CDK18: variants seen among roughly 807,000 people sequenced by gnomAD.
CDK18 encodes cyclin dependent kinase 18.
CDK18 carries 52 observed loss-of-function variants against 62.0 expected under a neutral mutation model. That is an observed-to-expected ratio of 0.84 (90% CI 0.67 to 1.06). The LOEUF (loss-of-function observed/expected upper bound fraction) is 1.06. Ranked by LOEUF, CDK18 falls within the 50% of genes least tolerant of loss-of-function variation. CDK18 has a pLI of 0.00. For missense variants in CDK18, 604 were observed against 619.9 expected, an observed-to-expected ratio of 0.97 and a Z score of 0.27; for synonymous variants, 237 against 247.0, an observed-to-expected ratio of 0.96 and a Z score of 0.38.
intron 13 of CDK18, chr1:205,529,945 C>G (rs750161572): frequency 1.3e-5 from 18 of 1,381,398 alleles, no homozygotes; most frequent in Non-Finnish European, 1.6e-5. Flanking sequence ...GTTATCGGCA[C>G]TACGCTTCCT....
intron 8 of CDK18, 155 bp downstream of exon 8, chr1:205,526,992 C>T: frequency 3.1e-6 from 2 of 651,160 alleles, no homozygotes; most frequent in South Asian, 1.8e-5. Context: ...TCAACGAGTC[C>T]AGGAACTGGG....
chr1:205,515,960 C>A (rs1267481702), intron 1 of CDK18, among the ~76,000 whole-genome samples: 1 of 152,218 alleles, frequency 6.6e-6, no homozygotes, highest in African/African-American at 2.4e-5. Context: ...ATCCTCATTT[C>A]TGGCCACTCT....
intron 14 of CDK18, 99 bp downstream of exon 14, chr1:205,530,448 G>C (rs1668681006): frequency 7.3e-7 from 1 of 1,369,346 alleles, no homozygotes; most frequent in East Asian, 2.3e-5. Flanking sequence ...AGAGGCCCCA[G>C]CCCCAGCAGA....
rs1484889591 is a variant in CDK18, at chr1:205,529,449, C to T, written c.1178+20C>T. On this transcript the variant is annotated intron_variant, in intron 12 of 15. Transcript: ENST00000429964. ...GCCCAGGTAGCCCCTGCGCCCGCCG[C>T]CCCTCCTGCTGCGGCCCTGGCTCTC... The T allele has an allele frequency of 1.2e-6, 2 of 1,611,840 alleles. No individual in the cohort carries two copies. Among genetic ancestry groups the T allele is most frequent in the South Asian group, 1.1e-5 (1 of 90,792 alleles).
intron 1 of CDK18, among the ~76,000 whole-genome samples, chr1:205,505,398 G>A (rs565330165): frequency 5.3e-5 from 8 of 152,252 alleles, no homozygotes; most frequent in African/African-American, 1.7e-4. Context: ...AGTTCTGGGG[G>A]AGGCAGGGGT....
chr1:205,526,815 T>C lies in CDK18; in HGVS notation c.707T>C (p.Leu236Pro). The C allele has an allele frequency of 6.2e-7, 1 of 1,614,034 alleles. No homozygotes were observed. Among genetic ancestry groups the C allele is most frequent in the Non-Finnish European group, 8.5e-7 (1 of 1,179,922 alleles). ...LKQYLDHCGN[L>P]MSMHNVKIFM... Reference sequence around the variant, plus strand: ...CAGTATCTGGACCACTGTGGGAACCTCATGAGCATGCACAACGTCAAGGTG... The same window carrying C: ...CAGTATCTGGACCACTGTGGGAACCCCATGAGCATGCACAACGTCAAGGTG... Residue 236 changes from leucine (L) to proline (P), a missense_variant, in exon 8 of 16, where the codon CTC (leucine) becomes CCC (proline). Transcript: ENST00000429964.
intron 1 of CDK18, among the ~76,000 whole-genome samples, chr1:205,507,468 GAAA>G (rs34442874): frequency 7.5e-6 from 1 of 134,180 alleles, no homozygotes; most frequent in Middle Eastern, 3.4e-3. Context: ...CATCTCTACT[GAAA>G]AAAAAAAAAA....
intron 1 of CDK18, among the ~76,000 whole-genome samples, chr1:205,519,042 T>A (rs1320194514): frequency 6.6e-6 from 1 of 152,180 alleles, no homozygotes; most frequent in Non-Finnish European, 1.5e-5. Context: ...CCTCTTCCCC[T>A]GGCACCAATT....
At chr1:205,523,859 C>G (rs1668276993) in intron 3 of CDK18, 1 of 635,342 alleles carries the variant, frequency 1.6e-6, no homozygotes, top group African/African-American at 1.8e-5. Context: ...TTAGAACATT[C>G]CTGAATTTAG....
intron 1 of CDK18, among the ~76,000 whole-genome samples, chr1:205,505,113 A>C (rs1406460046): frequency 6.6e-6 from 1 of 152,090 alleles, no homozygotes. Flanking sequence ...GGGAGTCTCC[A>C]TCTGGGATCA....
intron 1 of CDK18, among the ~76,000 whole-genome samples, chr1:205,505,055 G>A (rs1356034578): frequency 6.6e-6 from 1 of 152,152 alleles, no homozygotes; most frequent in East Asian, 1.9e-4. Flanking sequence ...AGTTCCAGGT[G>A]CTTGAGAGGG....
chr1:205,508,963 A>G (rs1202795546), intron 1 of CDK18, among the ~76,000 whole-genome samples: 1 of 151,982 alleles, frequency 6.6e-6, no homozygotes, highest in African/African-American at 2.4e-5. Flanking sequence ...AGCCTGGCCA[A>G]CATGATGAAA....
intron 15 of CDK18, 60 bp from the exon 16 acceptor site, chr1:205,531,284 C>T: frequency 6.6e-7 from 1 of 1,521,008 alleles, no homozygotes; most frequent in Admixed American, 1.7e-5. Flanking sequence ...TCCCTGCTGA[C>T]CTGGGGTACC....
rs74876058 is a variant in CDK18 at position 205,523,215 on chromosome 1, A to G, written c.48A>G (p.Ser16=). 7.8e-4 allele frequency: 1,263 copies of G among 1,614,026 alleles called. 9 individuals are homozygous for G. The African/African-American group carries it at 0.015, about 19-fold the overall frequency. Residue 16 remains serine, a synonymous_variant, in exon 2 of 16, where the codon TCA becomes TCG. Transcript: ENST00000429964. ...ACTTTAAGCGCCGTTTCTCCCTGTC[A>G]GTGCCCCGCACTGAGACCATTGAAG... is the stretch of plus-strand genomic sequence containing the variant. ...MKNFKRRFSL[S]VPRTETIEES...
intron 14 of CDK18, 121 bp from the exon 15 acceptor site, chr1:205,530,507 G>A: frequency 1.7e-6 from 2 of 1,207,948 alleles, no homozygotes; most frequent in Non-Finnish European, 2.4e-6. Context: ...ATTCCAAATT[G>A]AGGGGGCAAA....
intron 1 of CDK18, among the ~76,000 whole-genome samples, chr1:205,510,320 C>T (rs1258180330): frequency 6.6e-6 from 1 of 152,170 alleles, no homozygotes; most frequent in African/African-American, 2.4e-5. Context: ...ACAGGGCTGT[C>T]CTTCCCACAT....
In CDK18 at chr1:205,529,066, G is replaced by A; in HGVS notation, c.1042G>A (p.Glu348Lys). 6.3e-7 allele frequency: 1 copy of A among 1,593,072 alleles called. No individual in the cohort carries two copies. Among genetic ancestry groups the A allele is most frequent in the Non-Finnish European group, 8.5e-7 (1 of 1,170,202 alleles). Residue 348 changes from glutamate (E) to lysine (K), a missense_variant, in exon 11 of 16, where the codon GAG (glutamate) becomes AAG (lysine). Physicochemically the swap from Glu to Lys is moderately conservative, Grantham distance 56. Coordinates refer to ENST00000429964, the MANE Select transcript of CDK18 (RefSeq NM_212502.3). ...RPLFPGSTVK[E>K]ELHLIFRLLG... Reference sequence around the variant, plus strand: ...CCTCTTCCCGGGCTCCACAGTCAAGGAGGAGCTGCACCTCATCTTTCGCCT... The same window carrying A: ...CCTCTTCCCGGGCTCCACAGTCAAGAAGGAGCTGCACCTCATCTTTCGCCT...
chr1:205,525,776 G>A (rs553144125), intron 5 of CDK18, among the ~76,000 whole-genome samples: 5 of 152,334 alleles, frequency 3.3e-5, no homozygotes, highest in Non-Finnish European at 5.9e-5. Flanking sequence ...CCAAAGAGGT[G>A]ACCTCTGTGT....
rs1427002882 is a variant in CDK18 at position 205,528,285 on chromosome 1, G to A, written c.974+117G>A. The A allele has an allele frequency of 8.0e-7, 1 of 1,242,376 alleles. No homozygotes were observed. The highest frequency in any genetic ancestry group is 1.5e-5 in the South Asian group (1 of 68,172). The allele number at this position is 1,242,376 out of a possible 1,614,324, so 77.0% of individuals were successfully genotyped here. On this transcript the variant is annotated intron_variant, in intron 10 of 15. Coordinates refer to ENST00000429964, the MANE Select transcript of CDK18 (RefSeq NM_212502.3). The surrounding 1 kb of genome is among the most constrained non-coding windows in gnomAD (Gnocchi z 4.2). ...ACTGCCTAACTTCCTTTGCCTAAAA[G>A]CCTTGTGACATCCTGCTGAAATGGA...
Sources: allele counts gnomAD v4.1 joint callset (sites outside exome capture counted in the v4.1 genomes callset), GRCh38; gene constraint gnomAD v4.1.1; non-coding constraint Gnocchi (gnomAD v3.1); transcripts MANE v1.5; gene names NCBI Gene and HGNC (gene_info 2026-07-23, HGNC 2026-07-21).